RANBP3: variants seen among roughly 807,000 people sequenced by gnomAD.
The protein encoded by RANBP3 is ran-binding protein 3.
Under a neutral mutation model 77.3 loss-of-function variants are expected in RANBP3, and 14 were observed. That is an observed-to-expected ratio of 0.18 (90% CI 0.12 to 0.28). The LOEUF (loss-of-function observed/expected upper bound fraction) is 0.28. RANBP3 is among the 10% of genes least tolerant of loss of function. The probability of loss-of-function intolerance (pLI) is 1.00; values close to 1 mark genes in which losing one functional copy is unlikely to be tolerated. For missense variants in RANBP3, 586 were observed against 752.3 expected, an observed-to-expected ratio of 0.78 and a Z score of 2.59; for synonymous variants, 315 against 312.4, an observed-to-expected ratio of 1.01 and a Z score of -0.09.
At chr19:5,967,941 C>T (rs951703677) in intron 1 of RANBP3, among the ~76,000 whole-genome samples, 16 of 152,036 alleles carry the variant, frequency 1.1e-4, no homozygotes, top group African/African-American at 3.6e-4. Flanking sequence ...CACTTGAACC[C>T]AGGAGGTGGA....
At chr19:5,927,915 T>A in intron 9 of RANBP3, 53 bp downstream of exon 9, 2 of 1,564,436 alleles carry the variant, frequency 1.3e-6, no homozygotes, top group South Asian at 2.4e-5. Flanking sequence ...TGCCTGCTGT[T>A]GAACCTGGGG....
intron 3 of RANBP3, among the ~76,000 whole-genome samples, chr19:5,948,127 A>G (rs1254110459): frequency 6.6e-6 from 1 of 152,194 alleles, no homozygotes. Flanking sequence ...CCCCTAGGAA[A>G]GGCCAGAAAG....
At chr19:5,974,520 A>G (rs1457723947) in intron 1 of RANBP3, 1 of 152,194 alleles carries the variant, frequency 6.6e-6, no homozygotes, top group African/African-American at 2.4e-5. Context: ...AGGGTGAAAC[A>G]TGCACACACA....
chr19:5,935,123 A>C (rs1006294692), intron 5 of RANBP3, among the ~76,000 whole-genome samples: 1 of 152,198 alleles, frequency 6.6e-6, no homozygotes, highest in African/African-American at 2.4e-5. Context: ...ACAAAACCCA[A>C]AACACCTTGT....
chr19:5,957,861 G>C (rs548727956), intron 2 of RANBP3, 57 bp downstream of exon 2: 9 of 1,582,868 alleles, frequency 5.7e-6, no homozygotes, highest in Non-Finnish European at 7.8e-6. Context: ...GAGACTCTCA[G>C]TAAAGAGAGA....
intron 14 of RANBP3, among the ~76,000 whole-genome samples, chr19:5,919,058 T>C (rs927818635): frequency 1.3e-5 from 2 of 152,054 alleles, no homozygotes; most frequent in African/African-American, 2.4e-5. Context: ...GCGCTTTCTG[T>C]GTGTGTGAGA....
intron 5 of RANBP3, among the ~76,000 whole-genome samples, chr19:5,941,379 T>C (rs2058134669): frequency 6.6e-6 from 1 of 152,136 alleles, no homozygotes; most frequent in Admixed American, 6.5e-5. Context: ...GACGATCTCT[T>C]CACAGTCTTC....
At position 5,924,505 on chromosome 19, in the gene RANBP3, T is replaced by A. The variant is rs934829484; in HGVS notation, c.996+322A>T. On this transcript the variant is annotated intron_variant, in intron 11 of 16. Transcript: ENST00000340578. This position sits in a 1 kb window ranked among gnomAD's most constrained non-coding sequence, Gnocchi z 4.7. The stretch of plus-strand genomic sequence containing the variant: ...CTGGCTCCGTCCCACAGGACTTTTG[T>A]CAGTTGGCCTGGTGGGGAGGAACCA... Among the ~76,000 whole-genome samples, 7 of 152,236 alleles carry A rather than the reference T, an allele frequency of 4.6e-5. No individual in the cohort carries two copies. The highest frequency in any genetic ancestry group is 8.8e-5 in the Non-Finnish European group (6 of 68,046).
chr19:5,932,508 C>T lies in RANBP3; in HGVS notation c.509G>A (p.Ser170Asn). Residue 170 changes from serine to asparagine, a missense_variant, in exon 7 of 17, where the codon AGC becomes AAC. By Grantham distance (46) the Ser-to-Asn change is conservative. Coordinates refer to ENST00000340578, the MANE Select transcript of RANBP3 (RefSeq NM_007322.3). ...TTGTAACACTGCCGGGCGAAGCACG[C>T]TCCGCTGCTGCTCCTTGGGCTTCTG... ...PSQKPKEQQRSVLRPAVLQAP... is the reference protein window; with the variant it reads ...PSQKPKEQQRNVLRPAVLQAP... 4 of 1,613,894 alleles carry T rather than the reference C, an allele frequency of 2.5e-6. No individual in the cohort carries two copies. The highest frequency in any genetic ancestry group is 2.5e-6 in the Non-Finnish European group (3 of 1,180,030).
chr19:5,970,277 C>T (rs1241825279), intron 1 of RANBP3, among the ~76,000 whole-genome samples: 1 of 151,920 alleles, frequency 6.6e-6, no homozygotes, highest in African/African-American at 2.4e-5. Context: ...AAAATAAATC[C>T]CCAATAGATT....
chr19:5,928,587 T>A (rs559308685), intron 8 of RANBP3: 4 of 150,832 alleles, frequency 2.7e-5, no homozygotes, highest in South Asian at 4.2e-4. Context: ...GTGTGTGTGG[T>A]GTGTGTGTGT....
At chr19:5,966,423 A>C (rs1404733348) in intron 1 of RANBP3, among the ~76,000 whole-genome samples, 1 of 152,248 alleles carries the variant, frequency 6.6e-6, no homozygotes, top group East Asian at 1.9e-4. Context: ...CAATGGTGAC[A>C]CAAGCTGCTT....
chr19:5,921,460 T>C lies in RANBP3; in HGVS notation c.1210-139A>G. On this transcript the variant is annotated intron_variant, in intron 13 of 16. Transcript: ENST00000340578. This position sits in a 1 kb window ranked among gnomAD's most constrained non-coding sequence, Gnocchi z 5.3. Reference sequence around the variant, plus strand: ...CTGGGGGCCACCTTGGTCAGTTTTTTGTCCTGCCCTCAAGCTAGAACAGGC... The same window carrying C: ...CTGGGGGCCACCTTGGTCAGTTTTTCGTCCTGCCCTCAAGCTAGAACAGGC... The C allele has an allele frequency of 1.0e-6, 1 of 975,738 alleles. No individual in the cohort carries two copies. The highest frequency in any genetic ancestry group is 1.6e-5 in the South Asian group (1 of 62,608). The allele number at this position is 975,738 out of a possible 1,614,324, so 60.4% of individuals were successfully genotyped here.
chr19:5,958,610 C>T lies in RANBP3; in HGVS notation c.23-637G>A, dbSNP rs1238179052. The stretch of plus-strand genomic sequence containing the variant: ...GGCGGCCTGTAATGCCCACGCAACA[C>T]CATCTGTCTCCTACCCAGGGGCAGC... On this transcript the variant is annotated intron_variant, in intron 1 of 16. Transcript: ENST00000340578. The surrounding 1 kb of genome is among the most constrained non-coding windows in gnomAD (Gnocchi z 4.4). Among the ~76,000 whole-genome samples, 2 of 152,260 alleles carry T rather than the reference C, an allele frequency of 1.3e-5. No homozygotes were observed. Among genetic ancestry groups the T allele is most frequent in the South Asian group, 2.1e-4 (1 of 4,836 alleles).
chr19:5,962,722 G>C (rs1413687316), intron 1 of RANBP3: 1 of 456,028 alleles, frequency 2.2e-6, no homozygotes, highest in South Asian at 1.5e-5. Flanking sequence ...CCAAAACACA[G>C]AGCGTCAGTT....
At chr19:5,946,361 G>A (rs1431962349) in intron 3 of RANBP3, among the ~76,000 whole-genome samples, 1 of 152,130 alleles carries the variant, frequency 6.6e-6, no homozygotes, top group Non-Finnish European at 1.5e-5. Context: ...AAGAATGGGT[G>A]CCTAGGCAGA....
rs115489034 is a variant in RANBP3 at position 5,952,094 on chromosome 19, G to A, written c.79-498C>T. 3.8e-4 allele frequency among the ~76,000 whole-genome samples: 57 copies of A among 151,754 alleles called. No homozygotes were observed. The highest frequency in any genetic ancestry group is 1.2e-3 in the African/African-American group (51 of 41,098). ...GGGTCAAGGGCTTCTGCCTCTCGCC[G>A]GGGTCAAGGGCTTCTGCCTCTCACT... On this transcript the variant is annotated intron_variant, in intron 2 of 16. Transcript: ENST00000340578. The surrounding 1 kb of genome is among the most constrained non-coding windows in gnomAD (Gnocchi z 4.1).
At chr19:5,918,665 T>C in intron 14 of RANBP3, 27 bp from the exon 15 acceptor site, 1 of 1,607,524 alleles carries the variant, frequency 6.2e-7, no homozygotes. Flanking sequence ...CACTCAGCCC[T>C]GGCCCCCACA....
chr19:5,975,011 G>C (rs1267064083), intron 1 of RANBP3, among the ~76,000 whole-genome samples: 1 of 152,240 alleles, frequency 6.6e-6, no homozygotes, highest in African/African-American at 2.4e-5. Flanking sequence ...CAGAAGCCAA[G>C]AGGGCATTTG....
Sources: allele counts gnomAD v4.1 joint callset (sites outside exome capture counted in the v4.1 genomes callset), GRCh38; gene constraint gnomAD v4.1.1; non-coding constraint Gnocchi (gnomAD v3.1); transcripts MANE v1.5; gene names NCBI Gene and HGNC (gene_info 2026-07-23, HGNC 2026-07-21).